Variants in BCAT1 observed in about 807,000 individuals in gnomAD.
BCAT1 encodes branched chain amino acid transaminase 1, also known as branched-chain-amino-acid aminotransferase, cytosolic.
A neutral mutation model predicts 52.4 loss-of-function variants in BCAT1; 48 were observed. That is an observed-to-expected ratio of 0.92 (90% CI 0.73 to 1.16). The LOEUF (loss-of-function observed/expected upper bound fraction) is 1.16, where lower values mean the gene tolerates loss of function less well. Among genes scored for constraint, BCAT1 ranks in the 50% most tolerant of loss-of-function variants. BCAT1 has a pLI of 0.00. For missense variants in BCAT1, 451 were observed against 457.1 expected, an observed-to-expected ratio of 0.99 and a Z score of 0.12; for synonymous variants, 167 against 161.3, an observed-to-expected ratio of 1.04 and a Z score of -0.27.
At chr12:24,936,754 TACAC>T (rs907640878) in intron 1 of BCAT1, among the ~76,000 whole-genome samples, 3 of 82,350 alleles carry the variant, frequency 3.6e-5, no homozygotes, top group Non-Finnish European at 9.9e-5. Flanking sequence ...CACACACACA[TACAC>T]ACACACCCCT....
At chr12:24,915,613 G>A (rs186286978) in intron 1 of BCAT1, among the ~76,000 whole-genome samples, 1 of 152,146 alleles carries the variant, frequency 6.6e-6, no homozygotes, top group East Asian at 1.9e-4. Context: ...AATTTTGCCA[G>A]TTGAAAGAAA....
chr12:24,823,034 C>CT (rs5797104), intron 10 of BCAT1, among the ~76,000 whole-genome samples: 8,655 of 141,412 alleles, frequency 0.061, 308 homozygotes, highest in East Asian at 0.18. Context: ...TTTGTTTTGA[C>CT]TTTTTTTTTT....
At chr12:24,834,964 C>G (rs1201144506) in intron 8 of BCAT1, among the ~76,000 whole-genome samples, 2 of 152,198 alleles carry the variant, frequency 1.3e-5, no homozygotes, top group Non-Finnish European at 2.9e-5. Flanking sequence ...TTTAAAATAG[C>G]TTTTAAAATA....
intron 5 of BCAT1, among the ~76,000 whole-genome samples, chr12:24,863,155 G>A (rs889729105): frequency 1.3e-5 from 2 of 152,138 alleles, no homozygotes. Flanking sequence ...ACAGCTAAGA[G>A]AAAACTAAAG....
At chr12:24,880,452 C>G (rs905897349) in intron 4 of BCAT1, among the ~76,000 whole-genome samples, 2 of 151,858 alleles carry the variant, frequency 1.3e-5, no homozygotes, top group Non-Finnish European at 2.9e-5. Context: ...GTGAGACTCT[C>G]TCTCAAAAAA....
chr12:24,820,135 T>C (rs1428903375), intron 10 of BCAT1, among the ~76,000 whole-genome samples: 1 of 152,216 alleles, frequency 6.6e-6, no homozygotes, highest in Non-Finnish European at 1.5e-5. Flanking sequence ...GTTTTAGTTT[T>C]ATAAATGATC....
chr12:24,893,585 C>G lies in BCAT1; in HGVS notation c.279+690G>C, dbSNP rs138081358. On this transcript the variant is annotated intron_variant, in intron 3 of 10. Transcript: ENST00000261192. ...CAGTAAACAAAAGTTGTTATTTTAT[C>G]ATTAATCTATTAATATTTTACTATT... Among the ~76,000 whole-genome samples the G allele has an allele frequency of 3.3e-4, 50 of 152,264 alleles. No individual in the cohort carries two copies. In the East Asian group the frequency reaches 6.7e-3, roughly 21 times the overall value.
intron 1 of BCAT1, among the ~76,000 whole-genome samples, chr12:24,942,460 C>T (rs1301263999): frequency 6.6e-6 from 1 of 151,510 alleles, no homozygotes. Context: ...AGGAGAATTG[C>T]TTGAACCCGG....
intron 10 of BCAT1, among the ~76,000 whole-genome samples, chr12:24,829,621 C>A (rs571674674): frequency 6.6e-6 from 1 of 152,152 alleles, no homozygotes; most frequent in East Asian, 1.9e-4. Context: ...TTAAAACATA[C>A]ATCTTCTTTC....
chr12:24,853,883 T>TA (rs201791276), intron 5 of BCAT1, among the ~76,000 whole-genome samples: 189 of 151,404 alleles, frequency 1.2e-3, no homozygotes, highest in Non-Finnish European at 1.6e-3. Context: ...AAAGGGGCTT[T>TA]AAAAAAAAAC....
rs113521565 is a variant in BCAT1, at chr12:24,823,532, C to G, written c.1120-5483G>C. Among the ~76,000 whole-genome samples the G allele has an allele frequency of 4.6e-5, 7 of 152,304 alleles. No homozygotes were observed. The South Asian group carries it at 1.5e-3, about 32-fold the overall frequency. The stretch of plus-strand genomic sequence containing the variant: ...GATATGGTTTGAATTTGTGTCCCCA[C>G]CCAAATCTCATGTGGAATTGTAATC... On this transcript the variant is annotated intron_variant, in intron 10 of 10. Transcript: ENST00000261192.
At chr12:24,939,967 T>C (rs929815594) in intron 1 of BCAT1, among the ~76,000 whole-genome samples, 4 of 152,342 alleles carry the variant, frequency 2.6e-5, no homozygotes, top group South Asian at 2.1e-4. Context: ...ATCTTGATTA[T>C]AATAAACTCA....
chr12:24,949,280 T>C, upstream of BCAT1: 1 of 368,338 alleles, frequency 2.7e-6, no homozygotes, highest in East Asian at 4.9e-5. Context: ...AGGGCAGAGG[T>C]GCCAGTGTTG....
chr12:24,913,002 G>A (rs1591870277), intron 1 of BCAT1, among the ~76,000 whole-genome samples: 1 of 152,106 alleles, frequency 6.6e-6, no homozygotes, highest in South Asian at 2.1e-4. Context: ...CCATTTTTAT[G>A]GTGAAACCCT....
intron 7 of BCAT1, 55 bp from the exon 8 acceptor site, chr12:24,836,651 A>G: frequency 4.4e-6 from 6 of 1,378,056 alleles, no homozygotes; most frequent in African/African-American, 1.4e-5. Context: ...GGCATGCCTT[A>G]TTATCAATAG....
At chr12:24,882,821 G>A (rs866802502) in intron 3 of BCAT1, among the ~76,000 whole-genome samples, 67 of 151,946 alleles carry the variant, frequency 4.4e-4, no homozygotes, top group Middle Eastern at 3.4e-3. Flanking sequence ...GGCTGGTCTC[G>A]AACTCCTGGG....
At chr12:24,837,033 AAAG>A (rs1940994560) in intron 7 of BCAT1, among the ~76,000 whole-genome samples, 4 of 145,994 alleles carry the variant, frequency 2.7e-5, no homozygotes, top group Middle Eastern at 3.6e-3. Context: ...AGAAAGAAAG[AAAG>A]AAAAAAGAAA....
chr12:24,890,641 C>T (rs1942812132), intron 3 of BCAT1, among the ~76,000 whole-genome samples: 1 of 152,140 alleles, frequency 6.6e-6, no homozygotes, highest in South Asian at 2.1e-4. Flanking sequence ...GGAAGTTAAC[C>T]TACAAGGTCT....
intron 1 of BCAT1, among the ~76,000 whole-genome samples, chr12:24,915,267 C>A (rs2139709175): frequency 6.6e-6 from 1 of 151,952 alleles, no homozygotes; most frequent in East Asian, 1.9e-4. Context: ...AAATGTCAAG[C>A]AAGTGAAAAC....
Sources: gnomAD v4.1 joint callset for allele counts (sites outside exome capture counted in the v4.1 genomes callset) on GRCh38, gnomAD v4.1.1 for gene constraint, MANE v1.5 for transcripts, NCBI Gene and HGNC (gene_info 2026-07-23, HGNC 2026-07-21) for gene names.